GAS2L3: variants seen among roughly 807,000 people sequenced by gnomAD.
GAS2L3 encodes the protein growth arrest specific 2 like 3, also known as GAS2-like protein 3.
In GAS2L3, 28 loss-of-function variants were observed where a neutral mutation model predicts 37.0. The ratio of observed to expected loss-of-function variants is 0.76; its 90% CI spans 0.56 to 1.04. The LOEUF is 1.04. Ranked by LOEUF, GAS2L3 falls within the 50% of genes least tolerant of loss-of-function variation. GAS2L3 has a pLI of 0.00. For synonymous variants in GAS2L3, 290 were observed against 296.6 expected, an observed-to-expected ratio of 0.98 and a Z score of 0.23; for missense variants, 793 against 817.6, an observed-to-expected ratio of 0.97 and a Z score of 0.37.
At position 100,573,785 on chromosome 12, in the gene GAS2L3, G is replaced by C. The variant is rs1955599465; in HGVS notation, c.-152G>C. On this transcript the variant is annotated splice_region_variant and 5_prime_UTR_variant, in exon 1 of 10. Coordinates refer to ENST00000547754, the MANE Select transcript of GAS2L3 (RefSeq NM_174942.3). ...TGGGAGAAGTGACCCTCCTGCGCCT[G>C]GTGAGTACTTCCCTGTTTGTCTTCT... The C allele has an allele frequency of 6.5e-6, 1 of 153,470 alleles. No homozygotes were observed. The highest frequency in any genetic ancestry group is 1.8e-4 in the South Asian group (1 of 5,472). 9.5% of individuals were successfully genotyped at this position (153,470 alleles called of 1,614,324 possible). A position where few individuals can be genotyped will look rare whatever the true frequency, so the allele number is the denominator to read the frequency against.
chr12:100,606,038 C>CT (rs779785046), intron 5 of GAS2L3, among the ~76,000 whole-genome samples: 1 of 151,822 alleles, frequency 6.6e-6, no homozygotes, highest in Admixed American at 6.6e-5. Flanking sequence ...TCTGATGTGT[C>CT]TTTTTTGATT....
chr12:100,628,186 CCATT>C lies in GAS2L3; in HGVS notation c.*3297_*3300del, dbSNP rs1213476460. 1 of 152,124 alleles carries C rather than the reference CCATT, an allele frequency of 6.6e-6. No individual in the cohort carries two copies. Among genetic ancestry groups the C allele is most frequent in the African/African-American group, 2.4e-5 (1 of 41,424 alleles). The allele number at this position is 152,124 out of a possible 1,614,324, so 9.4% of individuals were successfully genotyped here. On this transcript the variant is annotated 3_prime_UTR_variant, in exon 10 of 10. Coordinates refer to ENST00000547754, the MANE Select transcript of GAS2L3 (RefSeq NM_174942.3). ...TTACATCCAGGTTCACATAATAACCCCATTTGAATCCAAATTTGTGTATATTTTC... is the reference window on the plus strand; with the variant it reads ...TTACATCCAGGTTCACATAATAACCCTGAATCCAAATTTGTGTATATTTTC...
At chr12:100,604,656 C>T (rs957603512) in intron 5 of GAS2L3, among the ~76,000 whole-genome samples, 1 of 151,854 alleles carries the variant, frequency 6.6e-6, no homozygotes, top group Non-Finnish European at 1.5e-5. Flanking sequence ...TGAAAGTGGG[C>T]ATCCTTGTTG....
At chr12:100,614,115 C>T (rs1956159063) in intron 6 of GAS2L3, among the ~76,000 whole-genome samples, 2 of 152,120 alleles carry the variant, frequency 1.3e-5, no homozygotes, top group African/African-American at 2.4e-5. Flanking sequence ...CTTTATATTG[C>T]ATTTCCTTTT....
intron 5 of GAS2L3, among the ~76,000 whole-genome samples, chr12:100,609,259 G>A (rs567650591): frequency 6.6e-6 from 1 of 152,270 alleles, no homozygotes; most frequent in South Asian, 2.1e-4. Flanking sequence ...TACCAATACT[G>A]GGAATATATT....
chr12:100,619,626 ATG>A (rs969504519), intron 8 of GAS2L3, among the ~76,000 whole-genome samples: 1 of 151,700 alleles, frequency 6.6e-6, no homozygotes, highest in African/African-American at 2.4e-5. Context: ...TATGCTATTC[ATG>A]TGTGTGTGTG....
intron 1 of GAS2L3, among the ~76,000 whole-genome samples, chr12:100,591,433 G>A (rs1327607784): frequency 6.6e-6 from 1 of 152,102 alleles, no homozygotes; most frequent in African/African-American, 2.4e-5. Context: ...TTTTATCTGA[G>A]TGTCCTGCCA....
chr12:100,584,975 G>T, intron 1 of GAS2L3, among the ~76,000 whole-genome samples: 1 of 139,380 alleles, frequency 7.2e-6, no homozygotes, highest in East Asian at 2.2e-4. Context: ...TGCAAGCTCT[G>T]CCTCCTGGGT....
In GAS2L3 at chr12:100,624,325, T is replaced by C. The variant is rs760040805; in HGVS notation, c.1520T>C (p.Ile507Thr). ...TGTCCCAAGCTGCCTAAAGCAAATA[T>C]ACCTGTAAGACCTAAACCTTCTTTC... ...SKCPKLPKAN[I>T]PVRPKPSFQS... Residue 507 changes from isoleucine (I) to threonine (T), a missense_variant, in exon 10 of 10, where the codon ATA becomes ACA. Ile to Thr is a moderately conservative substitution (Grantham distance 89, BLOSUM62 -1). Transcript: ENST00000547754. 2 of 1,614,054 alleles carry C rather than the reference T, an allele frequency of 1.2e-6. No individual in the cohort carries two copies. Among genetic ancestry groups the C allele is most frequent in the East Asian group, 4.5e-5 (2 of 44,876 alleles).
At chr12:100,594,943 C>T in intron 3 of GAS2L3, 21 bp downstream of exon 3, 1 of 1,166,372 alleles carries the variant, frequency 8.6e-7, no homozygotes. Flanking sequence ...TTCTTGGAAA[C>T]AATATTTAAA....
At chr12:100,581,362 A>G (rs1955709657) in intron 1 of GAS2L3, among the ~76,000 whole-genome samples, 1 of 152,216 alleles carries the variant, frequency 6.6e-6, no homozygotes, top group African/African-American at 2.4e-5. Context: ...TGGGTTTTTT[A>G]ACCCCAAATT....
intron 2 of GAS2L3, among the ~76,000 whole-genome samples, chr12:100,593,151 T>C (rs1049388007): frequency 6.6e-6 from 1 of 152,148 alleles, no homozygotes; most frequent in Non-Finnish European, 1.5e-5. Flanking sequence ...GACTGGCTCT[T>C]AGTATCTGTT....
intron 1 of GAS2L3, among the ~76,000 whole-genome samples, chr12:100,591,037 T>TA (rs1469907782): frequency 6.6e-6 from 1 of 152,048 alleles, no homozygotes. Flanking sequence ...CTAAAAAACT[T>TA]ACTCATGTAA....
intron 1 of GAS2L3, chr12:100,579,498 A>C: frequency 1.3e-6 from 1 of 772,778 alleles, no homozygotes; most frequent in South Asian, 1.4e-5. Flanking sequence ...CTCTTGTCAG[A>C]AATATTAAGA....
At chr12:100,580,503 G>C (rs1418119837) in intron 1 of GAS2L3, among the ~76,000 whole-genome samples, 1 of 152,126 alleles carries the variant, frequency 6.6e-6, no homozygotes, top group Non-Finnish European at 1.5e-5. Flanking sequence ...TATTTTGAGA[G>C]CTTTGGGTGC....
In GAS2L3 at chr12:100,615,819, G is replaced by T. The variant is rs149489941; in HGVS notation, c.446-1925G>T. On this transcript the variant is annotated intron_variant, in intron 6 of 9. Transcript: ENST00000547754. ...ACATAAATGTATGGGTTTATTTCTG[G>T]ACACTCATTTCCATTCCATTGGTCT... Among the ~76,000 whole-genome samples, 197 of 152,184 alleles carry T rather than the reference G, an allele frequency of 1.3e-3. 1 individual carries two copies. Among genetic ancestry groups the T allele is most frequent in the East Asian group, 8.1e-3 (42 of 5,178 alleles).
rs767719224 is a variant in GAS2L3 at position 100,583,502 on chromosome 12, T to TCTTC, written c.-151-8218_-151-8215dup. Reference sequence around the variant, plus strand: ...CAGAAACCTTAGTCATTTCTTTCTTTCTTCCTTCCTTCCTTCCTTTCTTTC... The same window carrying TCTTC: ...CAGAAACCTTAGTCATTTCTTTCTTTCTTCCTTCCTTCCTTCCTTCCTTTCTTTC... On this transcript the variant is annotated intron_variant, in intron 1 of 9. Coordinates refer to ENST00000547754, the MANE Select transcript of GAS2L3 (RefSeq NM_174942.3). 2.0e-3 allele frequency among the ~76,000 whole-genome samples: 299 copies of TCTTC among 152,250 alleles called. 2 individuals carry two copies. Among genetic ancestry groups the TCTTC allele is most frequent in the African/African-American group, 2.9e-3 (119 of 41,556 alleles).
At chr12:100,575,730 G>T (rs980153449) in intron 1 of GAS2L3, among the ~76,000 whole-genome samples, 1 of 151,848 alleles carries the variant, frequency 6.6e-6, no homozygotes, top group South Asian at 2.1e-4. Context: ...CGCCCGACTC[G>T]GCCTCCCAAA....
chr12:100,616,905 G>A (rs7132866), intron 6 of GAS2L3, among the ~76,000 whole-genome samples: 98,297 of 152,010 alleles, frequency 0.65, 32,493 homozygotes, highest in East Asian at 0.78. Flanking sequence ...TGGTCTTGAG[G>A]GGGAGACTTG....
Sources: allele counts gnomAD v4.1 joint callset (sites outside exome capture counted in the v4.1 genomes callset), GRCh38; gene constraint gnomAD v4.1.1; transcripts MANE v1.5; gene names NCBI Gene and HGNC (gene_info 2026-07-23, HGNC 2026-07-21).